Variants in AP3D1 observed in about 807,000 individuals in gnomAD.
The protein encoded by AP3D1 is AP-3 complex subunit delta-1.
A neutral mutation model predicts 147.6 loss-of-function variants in AP3D1; 51 were observed. The ratio of observed to expected loss-of-function variants is 0.35; its 90% confidence interval spans 0.28 to 0.44. The LOEUF (loss-of-function observed/expected upper bound fraction) is 0.44. Among genes scored for constraint, AP3D1 ranks in the 20% least tolerant of loss-of-function variants. The pLI is 1.00. For missense variants in AP3D1, 1,421 were observed against 1,624.2 expected, an observed-to-expected ratio of 0.87 and a Z score of 2.15; for synonymous variants, 760 against 663.0, an observed-to-expected ratio of 1.15 and a Z score of -2.25.
At position 2,136,972 on chromosome 19, in the gene AP3D1, G is replaced by A. The variant is rs151192958; in HGVS notation, c.354+39C>T. 3,583 of 1,532,344 alleles carry A rather than the reference G, an allele frequency of 2.3e-3. 6 individuals carry two copies. The highest frequency in any genetic ancestry group is 2.7e-3 in the Non-Finnish European group (2,992 of 1,128,530). 94.9% of individuals were successfully genotyped at this position (1,532,344 alleles called of 1,614,324 possible). ...CCAGACGCTCCGGCAAGGGCAGACT[G>A]CACTCAGCACAGAGCGGCCCCGGCC... is the stretch of plus-strand genomic sequence containing the variant. On this transcript the variant is annotated intron_variant, in intron 4 of 31. Transcript: ENST00000643116.
chr19:2,120,249 G>A (rs900010077), intron 14 of AP3D1, among the ~76,000 whole-genome samples: 6 of 152,194 alleles, frequency 3.9e-5, no homozygotes, highest in African/African-American at 9.6e-5. Context: ...AGGCAGGCCC[G>A]GTGACCCGAG....
Position 2,113,490 on chromosome 19 carries a change from G to A in AP3D1, c.2602-77C>T. On this transcript the variant is annotated intron_variant, in intron 22 of 31. Coordinates refer to ENST00000643116, the MANE Select transcript of AP3D1 (RefSeq NM_001261826.3). ...GAGGGGACGGGGACAGCAGGGCCAA[G>A]GAGGCCCCAGCTGCCCTCGCTGCCC... 4 of 888,706 alleles carry A rather than the reference G, an allele frequency of 4.5e-6. No individual in the cohort carries two copies. The Admixed American group carries it at 1.4e-4, about 32-fold the overall frequency. The allele number at this position is 888,706 out of a possible 1,614,324, so 55.1% of individuals were successfully genotyped here. A position where few individuals can be genotyped will look rare whatever the true frequency, so the allele number is the denominator to read the frequency against.
At chr19:2,128,387 G>C (rs1329482085) in intron 8 of AP3D1, among the ~76,000 whole-genome samples, 4 of 152,046 alleles carry the variant, frequency 2.6e-5, no homozygotes, top group African/African-American at 9.7e-5. Context: ...TCTTTCAGCT[G>C]CTTCACGCCC....
rs72983434 is a variant in AP3D1, at chr19:2,116,127, G to A, written c.2073+80C>T. 6,144 of 1,451,424 alleles carry A rather than the reference G, an allele frequency of 4.2e-3. 22 individuals carry two copies. Among genetic ancestry groups the A allele is most frequent in the Middle Eastern group, 6.4e-3 (32 of 5,036 alleles). The allele number at this position is 1,451,424 out of a possible 1,614,324, so 89.9% of individuals were successfully genotyped here. A position where few individuals can be genotyped will look rare whatever the true frequency, so the allele number is the denominator to read the frequency against. On this transcript the variant is annotated intron_variant, in intron 18 of 31. Coordinates refer to ENST00000643116, the MANE Select transcript of AP3D1 (RefSeq NM_001261826.3). ...TCCCAGGATCTTCCTGAGGGAACCCGAAACTCAGATGGATGCCGCGGGGCT... is the reference window on the plus strand; with the variant it reads ...TCCCAGGATCTTCCTGAGGGAACCCAAAACTCAGATGGATGCCGCGGGGCT...
In AP3D1 at chr19:2,115,267, GTCC is replaced by G; in HGVS notation, c.2298_2300del (p.Glu766del). On this transcript the variant is annotated inframe_deletion, in exon 20 of 32. Transcript: ENST00000643116. The stretch of plus-strand genomic sequence containing the variant: ...TGTCCACCTGCTGGGCAGGGGCGAT[GTCC>G]TCGTCGCTCTCCGTGGGCAGCGAGC... 16 of 1,613,492 alleles carry G rather than the reference GTCC, an allele frequency of 9.9e-6. No individual in the cohort carries two copies. The highest frequency in any genetic ancestry group is 1.4e-5 in the Non-Finnish European group (16 of 1,180,008).
chr19:2,132,401 G>C (rs2018974282), intron 5 of AP3D1, 70 bp downstream of exon 5: 2 of 1,419,996 alleles, frequency 1.4e-6, no homozygotes, highest in Middle Eastern at 1.8e-4. Flanking sequence ...AAGCTTCCCA[G>C]GCATGCCACT....
At chr19:2,130,180 C>T (rs866233949) in intron 6 of AP3D1, among the ~76,000 whole-genome samples, 6 of 152,284 alleles carry the variant, frequency 3.9e-5, no homozygotes, top group Middle Eastern at 6.8e-3. Flanking sequence ...CTCAGGGACA[C>T]GCCAGACTCA....
chr19:2,137,914 T>A, intron 2 of AP3D1, 107 bp from the exon 3 acceptor site: 1 of 943,994 alleles, frequency 1.1e-6, no homozygotes. Flanking sequence ...TGGAACAGAC[T>A]CATTCACTGT....
At position 2,102,151 on chromosome 19, in the gene AP3D1, G is replaced by A. The variant is rs1423661035; in HGVS notation, c.*22C>T. ...CCCTGGGTACGTGCTCCGCGGGGTG[G>A]TGCGGGGCTCGCAGGCAGCTCTCAA... On this transcript the variant is annotated 3_prime_UTR_variant, in exon 32 of 32. Coordinates refer to ENST00000643116, the MANE Select transcript of AP3D1 (RefSeq NM_001261826.3). 1.9e-6 allele frequency: 3 copies of A among 1,596,228 alleles called. No individual in the cohort carries two copies. Among genetic ancestry groups the A allele is most frequent in the Admixed American group, 3.3e-5 (2 of 59,958 alleles).
Position 2,116,676 on chromosome 19 carries a change from C to T in AP3D1, c.1930G>A (p.Val644Ile), listed in dbSNP as rs534880813. The change falls in exon 17 of 32, where the codon GTC becomes ATC. Residue 644 changes from valine (V) to isoleucine (I), a missense_variant. By Grantham distance (29) the Val-to-Ile change is conservative (BLOSUM62 3). Coordinates refer to ENST00000643116, the MANE Select transcript of AP3D1 (RefSeq NM_001261826.3). ...CGCCGCTGCTCCTCCTCGTGGAAGA[C>T]GGCCCTGGGCCTCTCGTCCTCTGAC... is the stretch of plus-strand genomic sequence containing the variant. Reference protein sequence around the residue: ...SESEDERPRAVFHEEEQRRPK... With the variant: ...SESEDERPRAIFHEEEQRRPK... The T allele has an allele frequency of 4.4e-5, 70 of 1,608,538 alleles. No individual in the cohort carries two copies. The East Asian group carries it at 6.0e-4, about 14-fold the overall frequency.
At chr19:2,127,511 G>T (rs942356572) in intron 8 of AP3D1, among the ~76,000 whole-genome samples, 1 of 152,136 alleles carries the variant, frequency 6.6e-6, no homozygotes, top group Non-Finnish European at 1.5e-5. Flanking sequence ...ATCTTTTCTA[G>T]AGTTTTTTTT....
chr19:2,138,778 C>T (rs866534274), intron 1 of AP3D1, 64 bp from the exon 2 acceptor site: 17 of 1,235,524 alleles, frequency 1.4e-5, no homozygotes, highest in Non-Finnish European at 2.0e-5. Flanking sequence ...ATAATGATTT[C>T]GGGCCAGGCA....
In AP3D1 at chr19:2,134,903, G is replaced by A. The variant is rs2019039158; in HGVS notation, c.354+2108C>T. Among the ~76,000 whole-genome samples, 3 of 150,982 alleles carry A rather than the reference G, an allele frequency of 2.0e-5. No individual in the cohort carries two copies. The South Asian group carries it at 6.5e-4, about 33-fold the overall frequency. ...GGCATGAGCCACCGCACCCGGCCCA[G>A]GAAATAATTTTTTTTATTAAAAAAC... On this transcript the variant is annotated intron_variant, in intron 4 of 31. Transcript: ENST00000643116.
Position 2,114,105 on chromosome 19 carries a change from G to A in AP3D1, c.2601+20C>T, listed in dbSNP as rs547983272. 55 of 1,550,468 alleles carry A rather than the reference G, an allele frequency of 3.5e-5. No homozygotes were observed. The highest frequency in any genetic ancestry group is 8.3e-5 in the South Asian group (7 of 83,902). On this transcript the variant is annotated intron_variant, in intron 22 of 31. Transcript: ENST00000643116. The stretch of plus-strand genomic sequence containing the variant: ...AGGGAGGGGAATGGAGAAGGCCGCC[G>A]CCCTGGGCACTAGCCTTACCTTCTT...
In AP3D1 at chr19:2,112,890, C is replaced by T. The variant is rs538875124; in HGVS notation, c.2757G>A (p.Glu919=). Residue 919 remains glutamate, a synonymous_variant, in exon 24 of 32, where the codon GAG becomes GAA. Coordinates refer to ENST00000643116, the MANE Select transcript of AP3D1 (RefSeq NM_001261826.3). ...EDAKTEAQGE[E]DDAEGQDQDK... ...CCTGGTCTTGCCCCTCGGCATCGTC[C>T]TCCTCGCCCTGCGCCTCCGTCTTGG... The T allele has an allele frequency of 1.2e-6, 2 of 1,613,202 alleles. No homozygotes were observed. Among genetic ancestry groups the T allele is most frequent in the South Asian group, 1.1e-5 (1 of 91,036 alleles).
intron 1 of AP3D1, among the ~76,000 whole-genome samples, chr19:2,147,706 C>T (rs978515791): frequency 6.8e-6 from 1 of 147,288 alleles, no homozygotes; most frequent in Non-Finnish European, 1.5e-5. Flanking sequence ...CCATACTGGC[C>T]AACATGGGGA....
In AP3D1 at chr19:2,103,350, G is replaced by C. The variant is rs142440675; in HGVS notation, c.3553-1082C>G. Reference sequence around the variant, plus strand: ...GGCCCTGAGGCAGCCAGAGGCAGCCGGGGATGAAGACCAGAATCCGAAGAG... The same window carrying C: ...GGCCCTGAGGCAGCCAGAGGCAGCCCGGGATGAAGACCAGAATCCGAAGAG... On this transcript the variant is annotated intron_variant, in intron 31 of 31. Coordinates refer to ENST00000643116, the MANE Select transcript of AP3D1 (RefSeq NM_001261826.3). Among the ~76,000 whole-genome samples, 1,164 of 152,246 alleles carry C rather than the reference G, an allele frequency of 7.6e-3. 5 individuals carry two copies. The highest frequency in any genetic ancestry group is 0.013 in the African/African-American group (549 of 41,556).
At chr19:2,123,992 G>A in intron 9 of AP3D1, 113 bp from the exon 10 acceptor site, 3 of 1,191,010 alleles carry the variant, frequency 2.5e-6, no homozygotes, top group Non-Finnish European at 3.6e-6. Context: ...TGGGAGGGAG[G>A]ACAGAAATGC....
chr19:2,153,010 C>A (rs139344526), upstream of AP3D1, among the ~76,000 whole-genome samples: 7 of 150,170 alleles, frequency 4.7e-5, no homozygotes, highest in Admixed American at 1.3e-4. Context: ...ATTGCTTGAG[C>A]CCAGGAGATA....
Sources: gnomAD v4.1 joint callset for allele counts (sites outside exome capture counted in the v4.1 genomes callset) on GRCh38, gnomAD v4.1.1 for gene constraint, MANE v1.5 for transcripts, NCBI Gene and HGNC (gene_info 2026-07-23, HGNC 2026-07-21) for gene names.